The following TNFRSF8 variants were observed in gnomAD, a reference collection of about 807,000 sequenced individuals.
TNFRSF8 encodes tumor necrosis factor receptor superfamily member 8.
TNFRSF8 carries 26 observed loss-of-function variants against 70.8 expected under a neutral mutation model. The observed-to-expected ratio is 0.37, with a 90% CI of 0.27 to 0.51. TNFRSF8 has a LOEUF of 0.51. TNFRSF8 is among the 20% of genes least tolerant of loss of function. The pLI is 0.94. For missense variants in TNFRSF8, 720 were observed against 807.9 expected (o/e 0.89, Z 1.32); for synonymous variants, 356 against 339.2 (o/e 1.05, Z -0.54).
rs869310122 is a variant in TNFRSF8 at position 12,112,566 on chromosome 1, AT to A, written c.793+560del. On this transcript the variant is annotated intron_variant, in intron 7 of 14. Transcript: ENST00000263932. The surrounding 1 kb of genome is among the most constrained non-coding windows in gnomAD (Gnocchi z 5.3). ...TACCATGCCTGGCTAATTAAAAAAA[AT>A]TTTTTTTCATACAGATGGGGGTCTC... Among the ~76,000 whole-genome samples the A allele has an allele frequency of 1.3e-5, 2 of 151,688 alleles. No individual in the cohort carries two copies. The highest frequency in any genetic ancestry group is 2.9e-5 in the Non-Finnish European group (2 of 67,938).
intron 2 of TNFRSF8, among the ~76,000 whole-genome samples, chr1:12,094,013 C>T (rs970283484): frequency 5.4e-5 from 8 of 147,882 alleles, no homozygotes; most frequent in Non-Finnish European, 1.0e-4. Flanking sequence ...GAGCTGAGAT[C>T]CTGCCACTGC....
At position 12,141,769 on chromosome 1, in the gene TNFRSF8, G is replaced by A. The variant is rs533027948; in HGVS notation, c.1544-518G>A. Reference sequence around the variant, plus strand: ...ATAGGAGCAGAAAGGGCCACCAGGCGGAGTGGGTGGTTTTTTTTTGGGGGA... The same window carrying A: ...ATAGGAGCAGAAAGGGCCACCAGGCAGAGTGGGTGGTTTTTTTTTGGGGGA... On this transcript the variant is annotated intron_variant, in intron 14 of 14. Transcript: ENST00000263932. This position sits in a 1 kb window ranked among gnomAD's most constrained non-coding sequence, Gnocchi z 5.4. Among the ~76,000 whole-genome samples the A allele has an allele frequency of 5.3e-5, 8 of 152,318 alleles. No homozygotes were observed. Among genetic ancestry groups the A allele is most frequent in the East Asian group, 1.9e-4 (1 of 5,178 alleles).
chr1:12,085,039 C>T (rs890088034), intron 2 of TNFRSF8, among the ~76,000 whole-genome samples: 3 of 152,208 alleles, frequency 2.0e-5, no homozygotes, highest in Non-Finnish European at 4.4e-5. Context: ...CCTGGGCTGT[C>T]AACATCCTCT....
Position 12,108,074 on chromosome 1 carries a change from A to ACTTTTTTT in TNFRSF8, c.422-1492_422-1491insCTTTTTTT, listed in dbSNP as rs1553156303. On this transcript the variant is annotated intron_variant, in intron 4 of 14. Coordinates refer to ENST00000263932, the MANE Select transcript of TNFRSF8 (RefSeq NM_001243.5). This position sits in a 1 kb window ranked among gnomAD's most constrained non-coding sequence, Gnocchi z 4.0. ...CGAAGTCCCACACATACAGGCCACC[A>ACTTTTTTT]TTTTTTTATTTTTTTTTTTTTTGTG... 1.4e-5 allele frequency among the ~76,000 whole-genome samples: 2 copies of ACTTTTTTT among 146,128 alleles called. No homozygotes were observed. The highest frequency in any genetic ancestry group is 5.0e-5 in the African/African-American group (2 of 39,678).
intron 1 of TNFRSF8, among the ~76,000 whole-genome samples, chr1:12,082,284 G>A (rs1346309042): frequency 1.3e-5 from 2 of 152,148 alleles, no homozygotes; most frequent in South Asian, 2.1e-4. Context: ...GGTGGCTCAC[G>A]CCTGTAATCC....
chr1:12,117,834 C>T (rs1641760048), intron 8 of TNFRSF8, among the ~76,000 whole-genome samples: 1 of 152,106 alleles, frequency 6.6e-6, no homozygotes, highest in African/African-American at 2.4e-5. Flanking sequence ...CATGGTCCAC[C>T]TACCTATACC....
Position 12,088,347 on chromosome 1 carries a change from A to G in TNFRSF8, c.151+3796A>G, listed in dbSNP as rs1406834895. ...CCGACCTTAAGTTCCTTCAATCCTG[A>G]TAAGAAATCCAGAGAGGAAACTTGG... On this transcript the variant is annotated intron_variant, in intron 2 of 14. Transcript: ENST00000263932. This position sits in a 1 kb window ranked among gnomAD's most constrained non-coding sequence, Gnocchi z 4.0. 6.6e-6 allele frequency among the ~76,000 whole-genome samples: 1 copy of G among 151,996 alleles called. No individual in the cohort carries two copies. Among genetic ancestry groups the G allele is most frequent in the East Asian group, 1.9e-4 (1 of 5,192 alleles).
chr1:12,141,177 G>A lies in TNFRSF8; in HGVS notation c.1544-1110G>A, dbSNP rs931384735. ...GAACCTTTTTGGGGTTCCTGAATCC[G>A]AGGGGTATAACTGCATTACCCAGAA... On this transcript the variant is annotated intron_variant, in intron 14 of 14. Coordinates refer to ENST00000263932, the MANE Select transcript of TNFRSF8 (RefSeq NM_001243.5). The surrounding 1 kb of genome is among the most constrained non-coding windows in gnomAD (Gnocchi z 5.4). 2.6e-5 allele frequency among the ~76,000 whole-genome samples: 4 copies of A among 151,918 alleles called. No homozygotes were observed. The highest frequency in any genetic ancestry group is 2.9e-5 in the Non-Finnish European group (2 of 67,964).
At chr1:12,129,826 G>A (rs1265221364) in intron 12 of TNFRSF8, among the ~76,000 whole-genome samples, 2 of 152,116 alleles carry the variant, frequency 1.3e-5, no homozygotes, top group Non-Finnish European at 2.9e-5. Flanking sequence ...TTTGCTCCTC[G>A]GTCATTACTA....
intron 3 of TNFRSF8, among the ~76,000 whole-genome samples, chr1:12,103,995 A>G (rs1249829135): frequency 6.6e-6 from 1 of 152,148 alleles, no homozygotes; most frequent in Non-Finnish European, 1.5e-5. Context: ...TCACTGCCCT[A>G]AATGTGTCCT....
intron 2 of TNFRSF8, among the ~76,000 whole-genome samples, chr1:12,091,180 G>A (rs1012310813): frequency 9.9e-5 from 15 of 152,202 alleles, no homozygotes; most frequent in Admixed American, 8.5e-4. Context: ...GCTGTCTGTC[G>A]TAGTTTGTTA....
chr1:12,131,486 G>A (rs542744997), intron 12 of TNFRSF8, among the ~76,000 whole-genome samples: 1 of 138,486 alleles, frequency 7.2e-6, no homozygotes, highest in African/African-American at 2.8e-5. Flanking sequence ...AACATTCTAA[G>A]TGGCCTTCAT....
In TNFRSF8 at chr1:12,112,049, C is replaced by T. The variant is rs1641643241; in HGVS notation, c.793+35C>T. 1 of 1,533,594 alleles carries T rather than the reference C, an allele frequency of 6.5e-7. No individual in the cohort carries two copies. The allele number at this position is 1,533,594 out of a possible 1,614,324, so 95.0% of individuals were successfully genotyped here. A position where few individuals can be genotyped will look rare whatever the true frequency, so the allele number is the denominator to read the frequency against. On this transcript the variant is annotated intron_variant, in intron 7 of 14. Coordinates refer to ENST00000263932, the MANE Select transcript of TNFRSF8 (RefSeq NM_001243.5). The surrounding 1 kb of genome is among the most constrained non-coding windows in gnomAD (Gnocchi z 5.3). ...TCGTCCCTCCCCGGGCCTCAGTTTACCTCTCTGCATTTTTGAACCGTGAAC... is the reference window on the plus strand; with the variant it reads ...TCGTCCCTCCCCGGGCCTCAGTTTATCTCTCTGCATTTTTGAACCGTGAAC...
chr1:12,106,118 T>G (rs1338876322), intron 4 of TNFRSF8, among the ~76,000 whole-genome samples: 1 of 152,114 alleles, frequency 6.6e-6, no homozygotes. Flanking sequence ...AAAACGTGTC[T>G]AAGCCATCTT....
chr1:12,075,158 C>G (rs996995997), intron 1 of TNFRSF8, among the ~76,000 whole-genome samples: 1 of 152,006 alleles, frequency 6.6e-6, no homozygotes, highest in African/African-American at 2.4e-5. Flanking sequence ...GCAGGAGAAT[C>G]GCTTGAACCT....
intron 1 of TNFRSF8, among the ~76,000 whole-genome samples, chr1:12,083,624 C>G (rs1210036991): frequency 6.6e-6 from 1 of 152,108 alleles, no homozygotes; most frequent in Non-Finnish European, 1.5e-5. Context: ...GAGGTGGAGG[C>G]TGCAGTGAGT....
In TNFRSF8 at chr1:12,132,976, G is replaced by A. The variant is rs186862364; in HGVS notation, c.1310-2612G>A. 1.9e-3 allele frequency among the ~76,000 whole-genome samples: 289 copies of A among 152,212 alleles called. 2 individuals are homozygous for A. The highest frequency in any genetic ancestry group is 0.011 in the East Asian group (59 of 5,182). On this transcript the variant is annotated intron_variant, in intron 12 of 14. Transcript: ENST00000263932. Reference sequence around the variant, plus strand: ...TTTCCAGCTGGGAGGACAGAGGCTCGGAGAAGGGAAGTAATATTGTGCTGA... The same window carrying A: ...TTTCCAGCTGGGAGGACAGAGGCTCAGAGAAGGGAAGTAATATTGTGCTGA...
intron 1 of TNFRSF8, among the ~76,000 whole-genome samples, chr1:12,078,954 G>A (rs1641014853): frequency 6.6e-6 from 1 of 152,228 alleles, no homozygotes; most frequent in Non-Finnish European, 1.5e-5. Context: ...GTTCCAAGGT[G>A]GTGCCCCTGC....
At chr1:12,077,622 T>A (rs11569806) in intron 1 of TNFRSF8, among the ~76,000 whole-genome samples, 9 of 152,118 alleles carry the variant, frequency 5.9e-5, no homozygotes, top group Admixed American at 2.6e-4. Flanking sequence ...GCACATGACC[T>A]GGATGGGGGT....
Sources: gnomAD v4.1 joint callset for allele counts (sites outside exome capture counted in the v4.1 genomes callset) on GRCh38, gnomAD v4.1.1 for gene constraint, Gnocchi (gnomAD v3.1) non-coding constraint, MANE v1.5 for transcripts, NCBI Gene and HGNC (gene_info 2026-07-23, HGNC 2026-07-21) for gene names.